The following FEM1A variants were observed in gnomAD, a reference collection of about 807,000 sequenced individuals.
The protein encoded by FEM1A is protein fem-1 homolog A.
FEM1A carries 1 observed loss-of-function variant against 0.7 expected under a neutral mutation model. That is an observed-to-expected ratio of 1.35 (90% CI 0.48 to 6.40). The LOEUF (loss-of-function observed/expected upper bound fraction) is 6.40, where lower values mean the gene tolerates loss of function less well. FEM1A is among the 30% of genes most tolerant of loss of function. FEM1A has a pLI of 0.14. For synonymous variants in FEM1A, 391 were observed against 420.6 expected (o/e 0.93, Z 0.86); for missense variants, 721 against 918.7 (o/e 0.78, Z 2.78).
chr19:4,793,495 C>T lies in FEM1A; in HGVS notation c.1641C>T (p.Thr547=). The T allele has an allele frequency of 6.2e-7, 1 of 1,612,916 alleles. No individual in the cohort carries two copies. The stretch of plus-strand genomic sequence containing the variant: ...TGCACATGGCTGTGGACAAGGACAC[C>T]ACAAACGTGGGCCGCTATCCCGTGG... ...TPLHMAVDKD[T]TNVGRYPVGR... is the part of the protein sequence containing the mutation. The change falls in exon 1 of 1, where the codon ACC becomes ACT. Residue 547 remains threonine, a synonymous_variant. Transcript: ENST00000269856. This position sits in a 1 kb window ranked among gnomAD's most constrained non-coding sequence, Gnocchi z 5.1.
rs2093559046 is a variant in FEM1A at position 4,794,648 on chromosome 19, G to T, written c.*784G>T. ...AGGGCACAGGGAGTGAGCTGTATGT[G>T]TGAGGAATTTGGTGAGCGAGATAAA... On this transcript the variant is annotated 3_prime_UTR_variant, in exon 1 of 1. Coordinates refer to ENST00000269856, the MANE Select transcript of FEM1A (RefSeq NM_018708.3). 1 of 166,828 alleles carries T rather than the reference G, an allele frequency of 6.0e-6. No individual in the cohort carries two copies. Among genetic ancestry groups the T allele is most frequent in the African/African-American group, 2.4e-5 (1 of 41,386 alleles). 10.3% of individuals were successfully genotyped at this position (166,828 alleles called of 1,614,324 possible). A position where few individuals can be genotyped will look rare whatever the true frequency, so the allele number is the denominator to read the frequency against.
rs945186914 is a variant in FEM1A, at chr19:4,798,678, C to T, written c.*4814C>T. 6.6e-6 allele frequency: 1 copy of T among 151,940 alleles called. No individual in the cohort carries two copies. The highest frequency in any genetic ancestry group is 1.9e-4 in the East Asian group (1 of 5,164). The allele number at this position is 151,940 out of a possible 1,614,324, so 9.4% of individuals were successfully genotyped here. Reference sequence around the variant, plus strand: ...CATGAAGGAAGGGTCGAGATTGGAACCCAGGACCGTCAGAGTTCATACCTT... The same window carrying T: ...CATGAAGGAAGGGTCGAGATTGGAATCCAGGACCGTCAGAGTTCATACCTT... On this transcript the variant is annotated 3_prime_UTR_variant, in exon 1 of 1. Coordinates refer to ENST00000269856, the MANE Select transcript of FEM1A (RefSeq NM_018708.3).
In FEM1A at chr19:4,792,152, C is replaced by A. The variant is rs1310277680; in HGVS notation, c.298C>A (p.Arg100=). 6.6e-7 allele frequency: 1 copy of A among 1,518,168 alleles called. No homozygotes were observed. Among genetic ancestry groups the A allele is most frequent in the African/African-American group, 1.4e-5 (1 of 72,020 alleles). 94.0% of individuals were successfully genotyped at this position (1,518,168 alleles called of 1,614,324 possible). A position where few individuals can be genotyped will look rare whatever the true frequency, so the allele number is the denominator to read the frequency against. ...ASAAGHLDVV[R]SLLRRGASVN... is the part of the protein sequence containing the mutation. ...CGCAGCCGGCCACCTGGACGTGGTG[C>A]GGAGCCTGCTGCGCCGCGGGGCCTC... The change falls in exon 1 of 1, where the codon CGG becomes AGG. Residue 100 remains arginine (R), a synonymous_variant. Transcript: ENST00000269856. The surrounding 1 kb of genome is among the most constrained non-coding windows in gnomAD (Gnocchi z 6.7).
Position 4,793,903 on chromosome 19 carries a change from C to A in FEM1A, c.*39C>A, listed in dbSNP as rs1262737588. 2 of 1,552,308 alleles carry A rather than the reference C, an allele frequency of 1.3e-6. No homozygotes were observed. Among genetic ancestry groups the A allele is most frequent in the Middle Eastern group, 1.7e-4 (1 of 5,938 alleles). ...CCTGCACCCTCACCTCTCCCCTCTCCTGCTGAGATGGGGGAAATCCGGCTG... is the reference window on the plus strand; with the variant it reads ...CCTGCACCCTCACCTCTCCCCTCTCATGCTGAGATGGGGGAAATCCGGCTG... On this transcript the variant is annotated 3_prime_UTR_variant, in exon 1 of 1. Coordinates refer to ENST00000269856, the MANE Select transcript of FEM1A (RefSeq NM_018708.3). The surrounding 1 kb of genome is among the most constrained non-coding windows in gnomAD (Gnocchi z 5.1).
In FEM1A at chr19:4,796,481, G is replaced by C. The variant is rs182012039; in HGVS notation, c.*2617G>C. The C allele has an allele frequency of 1.2e-4, 18 of 152,338 alleles. No individual in the cohort carries two copies. The highest frequency in any genetic ancestry group is 4.3e-4 in the African/African-American group (18 of 41,538). 9.4% of individuals were successfully genotyped at this position (152,338 alleles called of 1,614,324 possible). ...TGGGATTATAGGTGTGAGCCACCAC[G>C]CCTGGCCCTTTTTTGTTTTCCTTTA... On this transcript the variant is annotated 3_prime_UTR_variant, in exon 1 of 1. Transcript: ENST00000269856.
rs561780308 is a variant in FEM1A at position 4,796,941 on chromosome 19, T to C, written c.*3077T>C. Reference sequence around the variant, plus strand: ...TTTGGTGTTGCATCAAAGGAGTGGGTTTGAATCAGCAGGTGCTCTCAAAGC... The same window carrying C: ...TTTGGTGTTGCATCAAAGGAGTGGGCTTGAATCAGCAGGTGCTCTCAAAGC... On this transcript the variant is annotated 3_prime_UTR_variant, in exon 1 of 1. Coordinates refer to ENST00000269856, the MANE Select transcript of FEM1A (RefSeq NM_018708.3). The C allele has an allele frequency of 2.0e-5, 3 of 152,100 alleles. No homozygotes were observed. The highest frequency in any genetic ancestry group is 4.4e-5 in the Non-Finnish European group (3 of 68,042). The allele number at this position is 152,100 out of a possible 1,614,324, so 9.4% of individuals were successfully genotyped here. A position where few individuals can be genotyped will look rare whatever the true frequency, so the allele number is the denominator to read the frequency against.
In FEM1A at chr19:4,795,565, T is replaced by C. The variant is rs1163952464; in HGVS notation, c.*1701T>C. Reference sequence around the variant, plus strand: ...AAAAAGATACTCAAAGAGAATGGCCTGCCTGATGCGTCCTTGGCGTGGGTT... The same window carrying C: ...AAAAAGATACTCAAAGAGAATGGCCCGCCTGATGCGTCCTTGGCGTGGGTT... On this transcript the variant is annotated 3_prime_UTR_variant, in exon 1 of 1. Transcript: ENST00000269856. 3 of 166,988 alleles carry C rather than the reference T, an allele frequency of 1.8e-5. No individual in the cohort carries two copies. The highest frequency in any genetic ancestry group is 7.2e-5 in the African/African-American group (3 of 41,414). The allele number at this position is 166,988 out of a possible 1,614,324, so 10.3% of individuals were successfully genotyped here.
Position 4,792,082 on chromosome 19 carries a change from C to T in FEM1A, c.228C>T (p.Phe76=), listed in dbSNP as rs747476416. ...TGGAGGCCGGTGGCTCGGTGCACTT[C>T]GATGGCGAGACCATCGAGGGCGCGC... ...ASVEAGGSVH[F]DGETIEGAPP... is the part of the protein sequence containing the mutation. The change falls in exon 1 of 1, where the codon TTC becomes TTT. Residue 76 remains phenylalanine, a synonymous_variant. Transcript: ENST00000269856. This position sits in a 1 kb window ranked among gnomAD's most constrained non-coding sequence, Gnocchi z 6.7. 2.6e-6 allele frequency: 4 copies of T among 1,530,642 alleles called. No homozygotes were observed. The African/African-American group carries it at 4.2e-5, about 16-fold the overall frequency. 94.8% of individuals were successfully genotyped at this position (1,530,642 alleles called of 1,614,324 possible). A position where few individuals can be genotyped will look rare whatever the true frequency, so the allele number is the denominator to read the frequency against.
rs1328604099 is a variant in FEM1A at position 4,793,205 on chromosome 19, G to T, written c.1351G>T (p.Ala451Ser). ...LFSYVLQDRA[A>S]KGSLGTQIGF... ...CTCCTACGTGCTTCAGGACCGGGCCGCCAAAGGCAGCCTGGGCACCCAGAT... is the reference window on the plus strand; with the variant it reads ...CTCCTACGTGCTTCAGGACCGGGCCTCCAAAGGCAGCCTGGGCACCCAGAT... Residue 451 changes from alanine to serine, a missense_variant, in exon 1 of 1, where the codon GCC becomes TCC. Ala to Ser is a moderately conservative substitution (Grantham distance 99). Coordinates refer to ENST00000269856, the MANE Select transcript of FEM1A (RefSeq NM_018708.3). This position sits in a 1 kb window ranked among gnomAD's most constrained non-coding sequence, Gnocchi z 5.1. The T allele has an allele frequency of 5.6e-6, 9 of 1,613,222 alleles. No homozygotes were observed. Among genetic ancestry groups the T allele is most frequent in the Admixed American group, 1.7e-5 (1 of 59,972 alleles).
chr19:4,792,119 G>A lies in FEM1A; in HGVS notation c.265G>A (p.Ala89Thr). ...ETIEGAPPLW[A>T]ASAAGHLDVV... The stretch of plus-strand genomic sequence containing the variant: ...CATCGAGGGCGCGCCGCCGCTGTGG[G>A]CCGCCTCCGCAGCCGGCCACCTGGA... Residue 89 changes from alanine to threonine, a missense_variant, in exon 1 of 1, where the codon GCC (alanine) becomes ACC (threonine). Ala to Thr is a moderately conservative substitution (Grantham distance 58, BLOSUM62 0). Coordinates refer to ENST00000269856, the MANE Select transcript of FEM1A (RefSeq NM_018708.3). This position sits in a 1 kb window ranked among gnomAD's most constrained non-coding sequence, Gnocchi z 6.7. The A allele has an allele frequency of 2.6e-6, 4 of 1,521,710 alleles. No individual in the cohort carries two copies. Among genetic ancestry groups the A allele is most frequent in the Non-Finnish European group, 3.5e-6 (4 of 1,140,574 alleles). The allele number at this position is 1,521,710 out of a possible 1,614,324, so 94.3% of individuals were successfully genotyped here. A position where few individuals can be genotyped will look rare whatever the true frequency, so the allele number is the denominator to read the frequency against.
At position 4,800,651 on chromosome 19, in the gene FEM1A, G is replaced by A. The variant is rs2093567511; in HGVS notation, c.*6787G>A. Reference sequence around the variant, plus strand: ...GAGTTGGGAATTCACATCCTCCTCTGACTACTTGGGGCAGCAGCAGGGGAC... The same window carrying A: ...GAGTTGGGAATTCACATCCTCCTCTAACTACTTGGGGCAGCAGCAGGGGAC... On this transcript the variant is annotated 3_prime_UTR_variant, in exon 1 of 1. Transcript: ENST00000269856. 6.6e-6 allele frequency: 1 copy of A among 152,404 alleles called. No individual in the cohort carries two copies. Among genetic ancestry groups the A allele is most frequent in the Admixed American group, 6.5e-5 (1 of 15,272 alleles). The allele number at this position is 152,404 out of a possible 1,614,324, so 9.4% of individuals were successfully genotyped here.
rs1006395803 is a variant in FEM1A, at chr19:4,798,808, T to C, written c.*4944T>C. The C allele has an allele frequency of 1.3e-5, 2 of 152,112 alleles. No homozygotes were observed. Among genetic ancestry groups the C allele is most frequent in the African/African-American group, 4.8e-5 (2 of 41,428 alleles). The allele number at this position is 152,112 out of a possible 1,614,324, so 9.4% of individuals were successfully genotyped here. A position where few individuals can be genotyped will look rare whatever the true frequency, so the allele number is the denominator to read the frequency against. On this transcript the variant is annotated 3_prime_UTR_variant, in exon 1 of 1. Coordinates refer to ENST00000269856, the MANE Select transcript of FEM1A (RefSeq NM_018708.3). ...CCATCCCTGGGGCAGGTGGCCATCC[T>C]GCCTCCGCATCCTGAGCGTCTGTTT...
chr19:4,793,716 T>C lies in FEM1A; in HGVS notation c.1862T>C (p.Leu621Pro). 1 of 1,612,136 alleles carries C rather than the reference T, an allele frequency of 6.2e-7. No homozygotes were observed. Among genetic ancestry groups the C allele is most frequent in the Non-Finnish European group, 8.5e-7 (1 of 1,179,690 alleles). The change falls in exon 1 of 1, where the codon CTG (leucine) becomes CCG (proline). Residue 621 changes from leucine (L) to proline (P), a missense_variant. Leu to Pro is a moderately conservative substitution (Grantham distance 98). Around this residue, in one of 4 missense-constraint regions of FEM1A, gnomAD observed 379 missense variants for 454.8 expected, o/e 0.83. Coordinates refer to ENST00000269856, the MANE Select transcript of FEM1A (RefSeq NM_018708.3). This position sits in a 1 kb window ranked among gnomAD's most constrained non-coding sequence, Gnocchi z 5.1. Reference protein sequence around the residue: ...NAFKKTAYELLDEKLLARGTM... With the variant: ...NAFKKTAYELPDEKLLARGTM... ...TTCAAGAAGACGGCCTACGAGCTGC[T>C]GGACGAGAAGCTGCTGGCCAGGGGT... is the stretch of plus-strand genomic sequence containing the variant.
Position 4,793,148 on chromosome 19 carries a change from G to T in FEM1A, c.1294G>T (p.Ala432Ser). 6.2e-7 allele frequency: 1 copy of T among 1,613,518 alleles called. No individual in the cohort carries two copies. Among genetic ancestry groups the T allele is most frequent in the Non-Finnish European group, 8.5e-7 (1 of 1,180,030 alleles). ...SNLEPLSPMT[A>S]SSFLSFAELF... is the part of the protein sequence containing the mutation. Reference sequence around the variant, plus strand: ...CCTGGAGCCTCTGAGCCCCATGACCGCCAGCAGCTTCCTCTCCTTCGCGGA... The same window carrying T: ...CCTGGAGCCTCTGAGCCCCATGACCTCCAGCAGCTTCCTCTCCTTCGCGGA... Residue 432 changes from alanine (A) to serine (S), a missense_variant, in exon 1 of 1, where the codon GCC becomes TCC. By Grantham distance (99) the Ala-to-Ser change is moderately conservative. Around this residue, in one of 4 missense-constraint regions of FEM1A, gnomAD observed 379 missense variants for 454.8 expected, o/e 0.83. Transcript: ENST00000269856. The surrounding 1 kb of genome is among the most constrained non-coding windows in gnomAD (Gnocchi z 5.1).
At position 4,800,820 on chromosome 19, in the gene FEM1A, G is replaced by T. The variant is rs146355871; in HGVS notation, c.*6956G>T. 6.6e-6 allele frequency: 1 copy of T among 152,114 alleles called. No individual in the cohort carries two copies. Among genetic ancestry groups the T allele is most frequent in the Non-Finnish European group, 1.5e-5 (1 of 68,052 alleles). The allele number at this position is 152,114 out of a possible 1,614,324, so 9.4% of individuals were successfully genotyped here. ...CACCGCTCGAATCACATCACAGGCC[G>T]AAAAGGCCAGATGACCCACCAGGGA... On this transcript the variant is annotated 3_prime_UTR_variant, in exon 1 of 1. Transcript: ENST00000269856.
At position 4,794,789 on chromosome 19, in the gene FEM1A, TAGAG is replaced by T. The variant is rs1159147968; in HGVS notation, c.*931_*934del. ...GGCCTTTCCAAGTTTCCATTCTCCT[TAGAG>T]AGAGAACTGTGCTTCCAAACAGAAA... is the stretch of plus-strand genomic sequence containing the variant. On this transcript the variant is annotated 3_prime_UTR_variant, in exon 1 of 1. Transcript: ENST00000269856. 2.4e-5 allele frequency: 4 copies of T among 167,004 alleles called. No homozygotes were observed. The highest frequency in any genetic ancestry group is 1.9e-4 in the East Asian group (1 of 5,188). 10.3% of individuals were successfully genotyped at this position (167,004 alleles called of 1,614,324 possible).
chr19:4,793,686 A>T lies in FEM1A; in HGVS notation c.1832A>T (p.Asn611Ile), dbSNP rs1214823638. Reference protein sequence around the residue: ...IEAGAHMDATNAFKKTAYELL... With the variant: ...IEAGAHMDATIAFKKTAYELL... Reference sequence around the variant, plus strand: ...GCAGGGGCCCACATGGACGCCACCAATGCCTTCAAGAAGACGGCCTACGAG... The same window carrying T: ...GCAGGGGCCCACATGGACGCCACCATTGCCTTCAAGAAGACGGCCTACGAG... Residue 611 changes from asparagine to isoleucine, a missense_variant, in exon 1 of 1, where the codon AAT (asparagine) becomes ATT (isoleucine). By Grantham distance (149) the Asn-to-Ile change is moderately radical. Coordinates refer to ENST00000269856, the MANE Select transcript of FEM1A (RefSeq NM_018708.3). The surrounding 1 kb of genome is among the most constrained non-coding windows in gnomAD (Gnocchi z 5.1). The T allele has an allele frequency of 1.9e-6, 3 of 1,612,812 alleles. No homozygotes were observed. In the African/African-American group the frequency reaches 4.0e-5, roughly 22 times the overall value.
rs996463703 is a variant in FEM1A at position 4,792,238 on chromosome 19, C to T, written c.384C>T (p.His128=). The T allele has an allele frequency of 3.3e-6, 5 of 1,522,172 alleles. No homozygotes were observed. Among genetic ancestry groups the T allele is most frequent in the Non-Finnish European group, 4.4e-6 (5 of 1,137,690 alleles). The allele number at this position is 1,522,172 out of a possible 1,614,324, so 94.3% of individuals were successfully genotyped here. A position where few individuals can be genotyped will look rare whatever the true frequency, so the allele number is the denominator to read the frequency against. ...TPLRAACFDG[H]LEVVRYLVGE... is the part of the protein sequence containing the mutation. ...TCCGCGCCGCCTGCTTCGACGGCCA[C>T]CTGGAGGTGGTGCGCTACCTGGTCG... is the stretch of plus-strand genomic sequence containing the variant. The change falls in exon 1 of 1, where the codon CAC becomes CAT. Residue 128 remains histidine, a synonymous_variant. Coordinates refer to ENST00000269856, the MANE Select transcript of FEM1A (RefSeq NM_018708.3). The surrounding 1 kb of genome is among the most constrained non-coding windows in gnomAD (Gnocchi z 6.7).
Position 4,792,344 on chromosome 19 carries a change from G to A in FEM1A, c.490G>A (p.Glu164Lys). 1.3e-6 allele frequency: 2 copies of A among 1,594,548 alleles called. No homozygotes were observed. Among genetic ancestry groups the A allele is most frequent in the Non-Finnish European group, 1.7e-6 (2 of 1,178,898 alleles). The change falls in exon 1 of 1, where the codon GAG becomes AAG. Residue 164 changes from glutamate to lysine, a missense_variant. Physicochemically the swap from Glu to Lys is moderately conservative, Grantham distance 56. Transcript: ENST00000269856. This position sits in a 1 kb window ranked among gnomAD's most constrained non-coding sequence, Gnocchi z 6.7. ...GATCTCGTGCTACAAGGGCCACCGT[G>A]AGATCGCCCGCTACCTGCTGGAGCA... Reference protein sequence around the residue: ...LMISCYKGHREIARYLLEQGA... With the variant: ...LMISCYKGHRKIARYLLEQGA...
Sources: gnomAD v4.1 joint callset for allele counts on GRCh38, gnomAD v4.1.1 for gene constraint, gnomAD v4.1.1 regional missense constraint, Gnocchi (gnomAD v3.1) non-coding constraint, MANE v1.5 for transcripts, NCBI Gene and HGNC (gene_info 2026-07-23, HGNC 2026-07-21) for gene names.